CLPSL1: variants seen among roughly 807,000 people sequenced by gnomAD.
CLPSL1 encodes the protein colipase like 1.
CLPSL1 carries 13 observed loss-of-function variants against 9.3 expected under a neutral mutation model. The ratio of observed to expected loss-of-function variants is 1.40; its 90% confidence interval spans 0.91 to 2.22. The LOEUF is 2.22. Among genes scored for constraint, CLPSL1 ranks in the 30% most tolerant of loss-of-function variants. The pLI is 0.00. For synonymous variants in CLPSL1, 58 were observed against 56.9 expected (o/e 1.02, Z -0.08); for missense variants, 164 against 146.6 (o/e 1.12, Z -0.61).
At chr6:35,784,922 C>T (rs1474261160) in intron 1 of CLPSL1, among the ~76,000 whole-genome samples, 4 of 152,154 alleles carry the variant, frequency 2.6e-5, no homozygotes, top group Admixed American at 2.0e-4. Flanking sequence ...ATGGAAAGTA[C>T]ACTTGGAAGA....
chr6:35,783,519 A>AG (rs1768007743), intron 1 of CLPSL1, among the ~76,000 whole-genome samples: 1 of 151,594 alleles, frequency 6.6e-6, no homozygotes, highest in Non-Finnish European at 1.5e-5. Context: ...CAAAAAAAAA[A>AG]AGGGGGGCTG....
chr6:35,790,311 T>A (rs574344480), downstream of CLPSL1, among the ~76,000 whole-genome samples: 167 of 152,352 alleles, frequency 1.1e-3, no homozygotes, highest in African/African-American at 3.8e-3. Flanking sequence ...TTAATTTTTT[T>A]AATAAACGTT....
chr6:35,786,920 A>C, intron 1 of CLPSL1, 78 bp from the exon 2 acceptor site: 1 of 1,505,298 alleles, frequency 6.6e-7, no homozygotes, highest in Non-Finnish European at 8.9e-7. Context: ...GGAGCCCCGT[A>C]GGGAGAAAGC....
downstream of CLPSL1, among the ~76,000 whole-genome samples, chr6:35,791,911 T>G (rs576988689): frequency 4.6e-4 from 65 of 141,770 alleles, no homozygotes; most frequent in South Asian, 4.5e-3. Context: ...CTACTAAAAA[T>G]ACAAATAAAT....
intron 1 of CLPSL1, among the ~76,000 whole-genome samples, chr6:35,785,546 A>G (rs1165569021): frequency 2.6e-5 from 4 of 151,634 alleles, no homozygotes; most frequent in Non-Finnish European, 4.4e-5. Context: ...CTCACCCAAC[A>G]CCTGAGATTT....
At chr6:35,793,043 C>T (rs562966476), downstream of CLPSL1, among the ~76,000 whole-genome samples, 138 of 152,380 alleles carry the variant, frequency 9.1e-4, no homozygotes, top group Middle Eastern at 6.8e-3. Context: ...TTCCCAGCGT[C>T]CCTTGCAGCT....
downstream of CLPSL1, among the ~76,000 whole-genome samples, chr6:35,791,742 G>T (rs182617019): frequency 6.6e-6 from 1 of 152,228 alleles, no homozygotes; most frequent in African/African-American, 2.4e-5. Flanking sequence ...ACCAGTGTGG[G>T]CATCATGGTG....
Position 35,781,124 on chromosome 6 carries a change from A to C in CLPSL1, c.14A>C (p.Gln5Pro), listed in dbSNP as rs752517828. 14 of 1,613,932 alleles carry C rather than the reference A, an allele frequency of 8.7e-6. No individual in the cohort carries two copies. The highest frequency in any genetic ancestry group is 1.1e-5 in the Non-Finnish European group (13 of 1,179,900). Residue 5 changes from glutamine (Q) to proline (P), a missense_variant, in exon 1 of 3, where the codon CAA becomes CCA. Physicochemically the swap from Gln to Pro is moderately conservative, Grantham distance 76 (BLOSUM62 -1). Transcript: ENST00000373861. MMLP[Q>P]WLLLLFLLFF... ...GACCTGTGGGCCATGATGCTACCCC[A>C]ATGGCTGCTGCTGCTGTTCCTTCTC...
intron 1 of CLPSL1, among the ~76,000 whole-genome samples, chr6:35,782,946 ATTAC>A (rs1438645292): frequency 6.6e-6 from 1 of 152,132 alleles, no homozygotes; most frequent in Non-Finnish European, 1.5e-5. Context: ...TAATATAAAT[ATTAC>A]TTATTGTTAT....
chr6:35,791,385 C>T (rs933159389), downstream of CLPSL1, among the ~76,000 whole-genome samples: 23 of 152,132 alleles, frequency 1.5e-4, no homozygotes, highest in South Asian at 2.1e-4. Context: ...CTGAGGCAGG[C>T]GGATCACAAG....
chr6:35,786,359 T>C (rs1026532254), intron 1 of CLPSL1, among the ~76,000 whole-genome samples: 3 of 152,166 alleles, frequency 2.0e-5, no homozygotes, highest in Non-Finnish European at 2.9e-5. Context: ...AAAAAGCACA[T>C]TTTCGTCACT....
rs746195489 is a variant in CLPSL1 at position 35,787,061 on chromosome 6, G to A, written c.163G>A (p.Asp55Asn). 17 of 1,606,084 alleles carry A rather than the reference G, an allele frequency of 1.1e-5. No individual in the cohort carries two copies. The highest frequency in any genetic ancestry group is 1.4e-5 in the Non-Finnish European group (17 of 1,177,684). Residue 55 changes from aspartate to asparagine, a missense_variant, in exon 2 of 3, where the codon GAC becomes AAC. By Grantham distance (23) the Asp-to-Asn change is conservative (BLOSUM62 1). Transcript: ENST00000373861. ...GACTGGCTGCTGCCAACGTGCTCCA[G>A]ACAATTGCGAGTCGCACTGCGCGGA... ...CETGCCQRAPDNCESHCAEKG... is the reference protein window; with the variant it reads ...CETGCCQRAPNNCESHCAEKG...
At chr6:35,787,158 A>G in intron 2 of CLPSL1, 38 bp downstream of exon 2, 1 of 1,605,792 alleles carries the variant, frequency 6.2e-7, no homozygotes, top group Non-Finnish European at 8.5e-7. Context: ...GAGGGGATCC[A>G]GGGGAAGTGG....
Position 35,787,046 on chromosome 6 carries a change from T to C in CLPSL1, c.148T>C (p.Cys50Arg), listed in dbSNP as rs370601237. The part of the protein sequence containing the change: ...IRNQDCETGC[C>R]QRAPDNCESH... ...GAACCAGGACTGCGAGACTGGCTGC[T>C]GCCAACGTGCTCCAGACAATTGCGA... Residue 50 changes from cysteine to arginine, a missense_variant, in exon 2 of 3, where the codon TGC becomes CGC. Cys to Arg is a radical substitution (Grantham distance 180). Transcript: ENST00000373861. 1.1e-4 allele frequency: 181 copies of C among 1,599,348 alleles called. No homozygotes were observed. The highest frequency in any genetic ancestry group is 4.9e-4 in the Middle Eastern group (3 of 6,062).
chr6:35,788,625 G>A (rs1283747438), downstream of CLPSL1, among the ~76,000 whole-genome samples: 1 of 152,272 alleles, frequency 6.6e-6, no homozygotes, highest in East Asian at 1.9e-4. Flanking sequence ...CTTGTTCAAG[G>A]TCACACAGTT....
intron 1 of CLPSL1, among the ~76,000 whole-genome samples, chr6:35,784,787 G>A (rs1476246655): frequency 6.6e-6 from 1 of 152,172 alleles, no homozygotes; most frequent in Non-Finnish European, 1.5e-5. Context: ...TGCATTTACA[G>A]CAACCTCAAT....
At chr6:35,788,729 GAGAA>G (rs1239760423), downstream of CLPSL1, among the ~76,000 whole-genome samples, 2 of 152,378 alleles carry the variant, frequency 1.3e-5, no homozygotes, top group South Asian at 4.1e-4. Context: ...AGGAAAGAGT[GAGAA>G]AGAAAGACTG....
chr6:35,782,524 C>G (rs1243878210), intron 1 of CLPSL1, among the ~76,000 whole-genome samples: 1 of 152,200 alleles, frequency 6.6e-6, no homozygotes, highest in East Asian at 1.9e-4. Context: ...AAAGTACAAC[C>G]AGGTGATGGG....
In CLPSL1 at chr6:35,781,033, C is replaced by T; in HGVS notation, c.-78C>T. On this transcript the variant is annotated 5_prime_UTR_variant, in exon 1 of 3. An upstream open reading frame in the 5' UTR gains an earlier in-frame stop. Transcript: ENST00000373861. The stretch of plus-strand genomic sequence containing the variant: ...GTGCTGGTTTTACATGGTGTTCCCA[C>T]AGCTGGGAGGACACCCACATGGTCG... The T allele has an allele frequency of 6.3e-7, 1 of 1,579,598 alleles. No homozygotes were observed. Among genetic ancestry groups the T allele is most frequent in the Non-Finnish European group, 8.6e-7 (1 of 1,162,524 alleles).
Sources: gnomAD v4.1 joint callset for allele counts (sites outside exome capture counted in the v4.1 genomes callset) on GRCh38, gnomAD v4.1.1 for gene constraint, MANE v1.5 for transcripts, NCBI Gene and HGNC (gene_info 2026-07-23, HGNC 2026-07-21) for gene names.